LUZP2: variants seen among roughly 807,000 people sequenced by gnomAD.
LUZP2 encodes leucine zipper protein 2.
Under a neutral mutation model 51.6 loss-of-function variants are expected in LUZP2, and 52 were observed. The observed-to-expected ratio is 1.01, with a 90% CI of 0.81 to 1.27. The LOEUF (loss-of-function observed/expected upper bound fraction) is 1.27, where lower values mean the gene tolerates loss of function less well. LUZP2 is among the 50% of genes most tolerant of loss of function. The pLI, the probability that LUZP2 is intolerant of heterozygous loss-of-function variation, is 0.00. For synonymous variants in LUZP2, 154 were observed against 137.3 expected (o/e 1.12, Z -0.85); for missense variants, 436 against 395.4 (o/e 1.10, Z -0.87).
intron 1 of LUZP2, among the ~76,000 whole-genome samples, chr11:24,551,667 C>T (rs183078271): frequency 5.3e-5 from 8 of 151,768 alleles, no homozygotes; most frequent in Non-Finnish European, 7.4e-5. Flanking sequence ...AAATTTGACA[C>T]AGTCATAGTA....
Position 24,964,796 on chromosome 11 carries a change from T to A in LUZP2, c.523-11795T>A, listed in dbSNP as rs570012590. 2.7e-5 allele frequency among the ~76,000 whole-genome samples: 4 copies of A among 150,180 alleles called. No homozygotes were observed. The South Asian group carries it at 8.4e-4, about 32-fold the overall frequency. On this transcript the variant is annotated intron_variant, in intron 7 of 11. Transcript: ENST00000336930. ...TGCTTCTAGATTATATCTCAAAGCA[T>A]TTTTTTTTACTGTATTTATTTACCT... is the stretch of plus-strand genomic sequence containing the variant.
At chr11:24,903,214 A>C (rs1266484296) in intron 5 of LUZP2, among the ~76,000 whole-genome samples, 1 of 152,180 alleles carries the variant, frequency 6.6e-6, no homozygotes, top group Non-Finnish European at 1.5e-5. Flanking sequence ...ATATGGAATT[A>C]ATGTATATCA....
chr11:24,676,807 T>G lies in LUZP2; in HGVS notation c.63-52362T>G, dbSNP rs572759074. On this transcript the variant is annotated intron_variant, in intron 1 of 11. Coordinates refer to ENST00000336930, the MANE Select transcript of LUZP2 (RefSeq NM_001009909.4). ...GCCTCCCAAGTAGCTGAGACTACAG[T>G]CACTCACCATCATGTCTGGCTAATG... Among the ~76,000 whole-genome samples the G allele has an allele frequency of 3.9e-5, 6 of 152,070 alleles. No individual in the cohort carries two copies. The South Asian group carries it at 8.3e-4, about 21-fold the overall frequency.
intron 1 of LUZP2, among the ~76,000 whole-genome samples, chr11:24,497,837 C>G (rs1397295198): frequency 6.6e-6 from 1 of 152,172 alleles, no homozygotes; most frequent in African/African-American, 2.4e-5. Flanking sequence ...CTTGGATAAG[C>G]TTAGTGATAG....
In LUZP2 at chr11:25,055,753, G is replaced by C. The variant is rs576916429; in HGVS notation, c.858+5623G>C. ...TGTTTTCTAATGCTTGAGATAGAAG[G>C]CTGAAGAAAAAAGTTAGAATTGAAG... On this transcript the variant is annotated intron_variant, in intron 10 of 11. Transcript: ENST00000336930. 1.6e-4 allele frequency among the ~76,000 whole-genome samples: 25 copies of C among 152,144 alleles called. 1 individual carries two copies. Among genetic ancestry groups the C allele is most frequent in the Non-Finnish European group, 3.4e-4 (23 of 68,020 alleles).
At chr11:24,678,653 A>G (rs183551778) in intron 1 of LUZP2, among the ~76,000 whole-genome samples, 102 of 152,376 alleles carry the variant, frequency 6.7e-4, no homozygotes, top group African/African-American at 2.4e-3. Flanking sequence ...TATCCCAGGT[A>G]TCTGACATTA....
intron 1 of LUZP2, among the ~76,000 whole-genome samples, chr11:24,708,560 G>A (rs967531303): frequency 8.5e-5 from 13 of 152,230 alleles, no homozygotes; most frequent in South Asian, 4.1e-4. Flanking sequence ...TAGGCACAGC[G>A]AGTATAGTGC....
intron 1 of LUZP2, among the ~76,000 whole-genome samples, chr11:24,553,527 A>G (rs971842685): frequency 3.9e-5 from 6 of 152,108 alleles, no homozygotes; most frequent in African/African-American, 1.2e-4. Flanking sequence ...ATAGAAGGGT[A>G]TATATATAAT....
chr11:24,755,871 T>G (rs1859755020), intron 4 of LUZP2, among the ~76,000 whole-genome samples: 1 of 152,200 alleles, frequency 6.6e-6, no homozygotes, highest in Non-Finnish European at 1.5e-5. Context: ...TATTTTGAAA[T>G]GGCTCTTTTT....
chr11:24,707,513 G>C (rs913396560), intron 1 of LUZP2, among the ~76,000 whole-genome samples: 1 of 152,052 alleles, frequency 6.6e-6, no homozygotes, highest in Non-Finnish European at 1.5e-5. Context: ...GATGAGAATT[G>C]GCTCACATGG....
intron 5 of LUZP2, among the ~76,000 whole-genome samples, chr11:24,779,707 A>G (rs901133063): frequency 6.6e-6 from 1 of 152,176 alleles, no homozygotes; most frequent in African/African-American, 2.4e-5. Context: ...TTATAAGGCA[A>G]AAATATATTT....
At chr11:24,752,205 A>G (rs1186317571) in intron 4 of LUZP2, among the ~76,000 whole-genome samples, 8 of 152,310 alleles carry the variant, frequency 5.3e-5, no homozygotes, top group Admixed American at 2.0e-4. Flanking sequence ...AAAATATCAA[A>G]ATAAAAGATA....
chr11:25,020,320 T>A (rs1399315971), intron 9 of LUZP2, among the ~76,000 whole-genome samples: 1 of 152,142 alleles, frequency 6.6e-6, no homozygotes, highest in Non-Finnish European at 1.5e-5. Context: ...AAGACCATCT[T>A]CCATTTGTGA....
At position 24,598,556 on chromosome 11, in the gene LUZP2, C is replaced by T. The variant is rs117733016; in HGVS notation, c.62+101251C>T. 3.5e-3 allele frequency among the ~76,000 whole-genome samples: 530 copies of T among 151,950 alleles called. 7 individuals carry two copies. The highest frequency in any genetic ancestry group is 0.016 in the East Asian group (83 of 5,146). ...AGGTGCAAGTGAAGATGAGGAGGGA[C>T]GATTGTGCAAATATCTATATCTCAC... On this transcript the variant is annotated intron_variant, in intron 1 of 11. Transcript: ENST00000336930.
chr11:24,716,236 T>G (rs1858036171), intron 1 of LUZP2, among the ~76,000 whole-genome samples: 1 of 152,216 alleles, frequency 6.6e-6, no homozygotes, highest in Non-Finnish European at 1.5e-5. Flanking sequence ...GTTGTTATTC[T>G]ATTTCTTTGG....
At chr11:25,013,995 T>A (rs10767298) in intron 9 of LUZP2, among the ~76,000 whole-genome samples, 1 of 151,860 alleles carries the variant, frequency 6.6e-6, no homozygotes, top group East Asian at 1.9e-4. Context: ...TGAGAACATG[T>A]GGTGTTTGGT....
At chr11:25,046,243 C>T (rs569966647) in intron 9 of LUZP2, among the ~76,000 whole-genome samples, 8 of 132,742 alleles carry the variant, frequency 6.0e-5, no homozygotes, top group African/African-American at 2.2e-4. Flanking sequence ...AAAAATGAGT[C>T]AATGATTATT....
chr11:24,834,985 T>C (rs1850817784), intron 5 of LUZP2, among the ~76,000 whole-genome samples: 1 of 152,192 alleles, frequency 6.6e-6, no homozygotes, highest in Non-Finnish European at 1.5e-5. Context: ...TTGTAGATTC[T>C]GGATATTAGA....
chr11:24,894,465 G>A (rs556630807), intron 5 of LUZP2, among the ~76,000 whole-genome samples: 11 of 152,150 alleles, frequency 7.2e-5, no homozygotes, highest in East Asian at 1.9e-4. Context: ...ATGAGCCACC[G>A]TGCCCGGCCA....
Sources: allele counts gnomAD v4.1 joint callset (sites outside exome capture counted in the v4.1 genomes callset), GRCh38; gene constraint gnomAD v4.1.1; transcripts MANE v1.5; gene names NCBI Gene and HGNC (gene_info 2026-07-23, HGNC 2026-07-21).